PTPRS: variants seen among roughly 807,000 people sequenced by gnomAD.
The protein encoded by PTPRS is receptor-type tyrosine-protein phosphatase S.
A neutral mutation model predicts 215.3 loss-of-function variants in PTPRS; 63 were observed. That is an observed-to-expected ratio of 0.29 (90% CI 0.24 to 0.36). PTPRS has a LOEUF of 0.36. Among genes scored for constraint, PTPRS ranks in the 10% least tolerant of loss-of-function variants. The pLI is 1.00. For synonymous variants in PTPRS, 1,404 were observed against 1,191.4 expected (o/e 1.18, Z -3.68); for missense variants, 2,258 against 2,825.8 (o/e 0.80, Z 4.56).
chr19:5,278,454 C>A (rs2047578305), intron 2 of PTPRS, among the ~76,000 whole-genome samples: 1 of 152,008 alleles, frequency 6.6e-6, no homozygotes, highest in East Asian at 1.9e-4. Context: ...GATCCTCTCA[C>A]CTCGAGATGC....
chr19:5,267,047 A>G (rs1168679983), intron 4 of PTPRS, among the ~76,000 whole-genome samples: 1 of 152,292 alleles, frequency 6.6e-6, no homozygotes, highest in Non-Finnish European at 1.5e-5. Context: ...AACCGGGCAT[A>G]CAGTAGGAGC....
In PTPRS at chr19:5,214,754, G is replaced by A. The variant is rs201224899; in HGVS notation, c.4319-18C>T. On this transcript the variant is annotated intron_variant, in intron 28 of 37. Coordinates refer to ENST00000262963, the MANE Select transcript of PTPRS (RefSeq NM_002850.4). The stretch of plus-strand genomic sequence containing the variant: ...CATGATGCCTGCAGCCAGGGCGAGA[G>A]GCCAGGGATCTGTGGGGGCTGTCTT... The A allele has an allele frequency of 1.0e-5, 16 of 1,589,178 alleles. No homozygotes were observed. The highest frequency in any genetic ancestry group is 1.7e-4 in the Middle Eastern group (1 of 6,004).
At chr19:5,212,958 C>T (rs1372556004) in intron 30 of PTPRS, among the ~76,000 whole-genome samples, 1 of 152,104 alleles carries the variant, frequency 6.6e-6, no homozygotes, top group Non-Finnish European at 1.5e-5. Flanking sequence ...GCCTCACACA[C>T]AACGTGGCCA....
intron 12 of PTPRS, 62 bp downstream of exon 12, chr19:5,240,136 GC>G: frequency 7.0e-7 from 1 of 1,429,856 alleles, no homozygotes; most frequent in Non-Finnish European, 9.2e-7. Context: ...GACAAGGCGG[GC>G]AGCGTCAGAG....
At chr19:5,273,707 G>T in intron 3 of PTPRS, 124 bp from the exon 4 acceptor site, 1 of 1,202,866 alleles carries the variant, frequency 8.3e-7, no homozygotes, top group Non-Finnish European at 1.2e-6. Context: ...GGGGTGACTG[G>T]GAGAATTGCT....
intron 9 of PTPRS, among the ~76,000 whole-genome samples, chr19:5,246,302 A>G (rs1443173369): frequency 6.6e-6 from 1 of 152,252 alleles, no homozygotes; most frequent in Non-Finnish European, 1.5e-5. Flanking sequence ...ATTCCAACAC[A>G]AAGAAACCAA....
chr19:5,338,621 C>T lies in PTPRS; in HGVS notation c.-95+2043G>A, dbSNP rs1049857410. On this transcript the variant is annotated intron_variant, in intron 1 of 37. Coordinates refer to ENST00000262963, the MANE Select transcript of PTPRS (RefSeq NM_002850.4). The surrounding 1 kb of genome is among the most constrained non-coding windows in gnomAD (Gnocchi z 4.2). ...GCCCCCAGCCCCAGCTGCCTGCCTT[C>T]CACCGCCAAAATATCAGCTGGCAAA... Among the ~76,000 whole-genome samples the T allele has an allele frequency of 6.6e-6, 1 of 151,980 alleles. No individual in the cohort carries two copies. The highest frequency in any genetic ancestry group is 1.5e-5 in the Non-Finnish European group (1 of 67,986).
intron 1 of PTPRS, among the ~76,000 whole-genome samples, chr19:5,322,879 CAA>C (rs60988670): frequency 1.7e-4 from 11 of 65,928 alleles, no homozygotes; most frequent in Admixed American, 3.7e-4. Context: ...AACTCCGTCT[CAA>C]AAAAAAAAAA....
rs372067337 is a variant in PTPRS, at chr19:5,222,217, G to A, written c.3107C>T (p.Ser1036Leu). 57 of 1,613,288 alleles carry A rather than the reference G, an allele frequency of 3.5e-5. No individual in the cohort carries two copies. Among genetic ancestry groups the A allele is most frequent in the Admixed American group, 3.5e-4 (21 of 60,010 alleles). The change falls in exon 19 of 38, where the codon TCG becomes TTG. Residue 1036 changes from serine to leucine, a missense_variant. Physicochemically the swap from Ser to Leu is moderately radical, Grantham distance 145 (BLOSUM62 -2). Around this residue, in one of 6 missense-constraint regions of PTPRS, gnomAD observed 361 missense variants for 332.6 expected, o/e 1.09. Coordinates refer to ENST00000262963, the MANE Select transcript of PTPRS (RefSeq NM_002850.4). ...CATTTTCACCTTGAAGTTCTTGGGC[G>A]AGACTGCCGGGGAGGCGGCCGAGCA... ...RYRTFLRDQV[S>L]PKNFKVKMIM...
chr19:5,217,424 G>A (rs2041579530), intron 25 of PTPRS, among the ~76,000 whole-genome samples: 1 of 152,186 alleles, frequency 6.6e-6, no homozygotes, highest in African/African-American at 2.4e-5. Context: ...AATACACGAG[G>A]GGTGATACAT....
intron 1 of PTPRS, among the ~76,000 whole-genome samples, chr19:5,327,948 G>A (rs1402575660): frequency 1.3e-5 from 2 of 152,036 alleles, no homozygotes; most frequent in East Asian, 3.9e-4. Context: ...TACACTTTCT[G>A]GGGGTCCCCA....
intron 1 of PTPRS, among the ~76,000 whole-genome samples, chr19:5,304,872 A>G: frequency 6.7e-6 from 1 of 150,004 alleles, no homozygotes; most frequent in Admixed American, 6.7e-5. Flanking sequence ...GCCCTGAACA[A>G]AACAGAAAAG....
At chr19:5,311,724 C>T (rs146302605) in intron 1 of PTPRS, among the ~76,000 whole-genome samples, 78 of 152,134 alleles carry the variant, frequency 5.1e-4, no homozygotes, top group Middle Eastern at 6.8e-3. Context: ...GGTAACTGGG[C>T]GAGAGGGAGT....
chr19:5,315,504 C>T (rs998470849), intron 1 of PTPRS, among the ~76,000 whole-genome samples: 1 of 151,636 alleles, frequency 6.6e-6, no homozygotes, highest in Admixed American at 6.6e-5. Flanking sequence ...GCTGTGGCCA[C>T]AGGTGTACAC....
intron 25 of PTPRS, among the ~76,000 whole-genome samples, chr19:5,218,118 G>A (rs2041648665): frequency 1.3e-5 from 2 of 152,000 alleles, no homozygotes; most frequent in South Asian, 4.2e-4. Flanking sequence ...AAGAAATGAG[G>A]GGTTTATTTG....
intron 9 of PTPRS, among the ~76,000 whole-genome samples, chr19:5,254,301 T>C (rs1335607430): frequency 6.6e-6 from 1 of 152,128 alleles, no homozygotes; most frequent in Non-Finnish European, 1.5e-5. Context: ...TTGGAGAAGG[T>C]GAGTGAGGGA....
intron 1 of PTPRS, among the ~76,000 whole-genome samples, chr19:5,326,868 A>G (rs141247404): frequency 2.6e-4 from 39 of 151,812 alleles, no homozygotes; most frequent in South Asian, 6.3e-4. Flanking sequence ...GGAAGGAAAG[A>G]AGGAATGAAG....
chr19:5,321,416 TG>T (rs1460203800), intron 1 of PTPRS, among the ~76,000 whole-genome samples: 1 of 152,206 alleles, frequency 6.6e-6, no homozygotes, highest in African/African-American at 2.4e-5. Flanking sequence ...ATTTTAGGGA[TG>T]AGGAAAACTG....
intron 1 of PTPRS, among the ~76,000 whole-genome samples, chr19:5,340,075 C>CG (rs2147348905): frequency 6.6e-6 from 1 of 151,914 alleles, no homozygotes; most frequent in African/African-American, 2.4e-5. Context: ...TAGGGGGTCT[C>CG]CAGGGGAGGG....
Sources: gnomAD v4.1 joint callset for allele counts (sites outside exome capture counted in the v4.1 genomes callset) on GRCh38, gnomAD v4.1.1 for gene constraint, gnomAD v4.1.1 regional missense constraint, Gnocchi (gnomAD v3.1) non-coding constraint, MANE v1.5 for transcripts, NCBI Gene and HGNC (gene_info 2026-07-23, HGNC 2026-07-21) for gene names.